ACTL8: variants seen among roughly 807,000 people sequenced by gnomAD.
The protein encoded by ACTL8 is actin-like protein 8.
In ACTL8, 3 loss-of-function variants were observed where a neutral mutation model predicts 9.3. That is an observed-to-expected ratio of 0.32 (90% confidence interval 0.15 to 0.83). The LOEUF is 0.83. Among genes scored for constraint, ACTL8 ranks in the 40% least tolerant of loss-of-function variants. ACTL8 has a pLI of 0.57. For missense variants in ACTL8, 381 were observed against 492.2 expected (o/e 0.77, Z 2.14); for synonymous variants, 224 against 205.9 (o/e 1.09, Z -0.75).
chr1:17,787,709 C>T (rs534259552), intron 1 of ACTL8, among the ~76,000 whole-genome samples: 6 of 151,358 alleles, frequency 4.0e-5, no homozygotes, highest in Non-Finnish European at 8.8e-5. Flanking sequence ...CCAAGATAAA[C>T]CTCCTTGCAC....
chr1:17,773,567 A>T (rs975826701), intron 1 of ACTL8, among the ~76,000 whole-genome samples: 5 of 152,286 alleles, frequency 3.3e-5, no homozygotes, highest in Admixed American at 3.3e-4. Context: ...ATCAGGATTG[A>T]GCATTTCCAG....
intron 1 of ACTL8, among the ~76,000 whole-genome samples, chr1:17,779,766 A>G (rs1184256938): frequency 6.6e-6 from 1 of 152,206 alleles, no homozygotes; most frequent in African/African-American, 2.4e-5. Context: ...CAGTCTTAGC[A>G]TGGAGGTGAT....
intron 1 of ACTL8, among the ~76,000 whole-genome samples, chr1:17,794,031 G>T (rs1032925657): frequency 6.6e-6 from 1 of 152,108 alleles, no homozygotes; most frequent in Non-Finnish European, 1.5e-5. Context: ...TCATTCCAGG[G>T]CACCATGAAA....
chr1:17,759,442 C>A (rs1362361108), intron 1 of ACTL8, among the ~76,000 whole-genome samples: 2 of 152,274 alleles, frequency 1.3e-5, no homozygotes, highest in Non-Finnish European at 2.9e-5. Flanking sequence ...TGGTGAGACA[C>A]CTCCTGTGAG....
intron 1 of ACTL8, among the ~76,000 whole-genome samples, chr1:17,761,930 C>T (rs780791106): frequency 3.3e-5 from 5 of 151,772 alleles, no homozygotes; most frequent in East Asian, 2.0e-4. Context: ...GAGATCACAT[C>T]GTGGGTTTCT....
intron 1 of ACTL8, among the ~76,000 whole-genome samples, chr1:17,770,239 C>T (rs1291221590): frequency 2.0e-5 from 3 of 152,216 alleles, no homozygotes; most frequent in Non-Finnish European, 4.4e-5. Flanking sequence ...TTAGCCTAGC[C>T]TAGTTTCTGT....
intron 1 of ACTL8, among the ~76,000 whole-genome samples, chr1:17,814,334 A>C (rs2066410942): frequency 6.6e-6 from 1 of 152,242 alleles, no homozygotes; most frequent in Admixed American, 6.5e-5. Flanking sequence ...CATATCTACC[A>C]ACAAAACAAA....
At chr1:17,769,995 C>A (rs896945402) in intron 1 of ACTL8, among the ~76,000 whole-genome samples, 13 of 152,094 alleles carry the variant, frequency 8.5e-5, no homozygotes, top group Non-Finnish European at 8.8e-5. Context: ...TGAGCTATGG[C>A]TACATTTAAT....
chr1:17,768,160 G>A (rs1305801630), intron 1 of ACTL8, among the ~76,000 whole-genome samples: 2 of 104,862 alleles, frequency 1.9e-5, no homozygotes, highest in Non-Finnish European at 3.6e-5. Flanking sequence ...CTCTGGTTGG[G>A]AATAGGGTGG....
intron 1 of ACTL8, among the ~76,000 whole-genome samples, chr1:17,770,474 G>C (rs1030061222): frequency 6.6e-6 from 1 of 152,206 alleles, no homozygotes; most frequent in Non-Finnish European, 1.5e-5. Flanking sequence ...AAGAGCTACC[G>C]ACTTTATCAC....
intron 1 of ACTL8, among the ~76,000 whole-genome samples, chr1:17,820,950 C>T (rs1179679165): frequency 4.6e-5 from 7 of 152,178 alleles, no homozygotes; most frequent in Admixed American, 4.6e-4. Context: ...TCCTTGTCAG[C>T]ACTTGGTAAG....
intron 1 of ACTL8, among the ~76,000 whole-genome samples, chr1:17,780,095 C>T (rs2066144707): frequency 6.6e-6 from 1 of 151,856 alleles, no homozygotes; most frequent in African/African-American, 2.4e-5. Flanking sequence ...CAGTCCCAGC[C>T]TCTTGGGAGG....
intron 1 of ACTL8, among the ~76,000 whole-genome samples, chr1:17,819,983 T>G (rs948917775): frequency 6.6e-6 from 1 of 151,946 alleles, no homozygotes; most frequent in African/African-American, 2.4e-5. Flanking sequence ...CCCTCCAGCC[T>G]GCGCAAGAGC....
intron 1 of ACTL8, among the ~76,000 whole-genome samples, chr1:17,757,695 G>A (rs1423176636): frequency 6.6e-6 from 1 of 152,160 alleles, no homozygotes; most frequent in African/African-American, 2.4e-5. Flanking sequence ...AGACCTAGGA[G>A]GAAACAGAAA....
intron 1 of ACTL8, among the ~76,000 whole-genome samples, chr1:17,763,836 G>C (rs187816896): frequency 6.6e-6 from 1 of 152,174 alleles, no homozygotes; most frequent in Admixed American, 6.5e-5. Context: ...GGGGGCTTCC[G>C]CCCTCGGGAA....
chr1:17,798,556 TTC>T (rs2066295290), intron 1 of ACTL8, among the ~76,000 whole-genome samples: 1 of 152,076 alleles, frequency 6.6e-6, no homozygotes, highest in African/African-American at 2.4e-5. Flanking sequence ...TTCTTGGGAG[TTC>T]TGTTTTAAGA....
At chr1:17,794,610 G>A (rs548859241) in intron 1 of ACTL8, among the ~76,000 whole-genome samples, 1 of 151,438 alleles carries the variant, frequency 6.6e-6, no homozygotes, top group Non-Finnish European at 1.5e-5. Flanking sequence ...GGCCTCCCTG[G>A]TCTCATCTTA....
rs1321052743 is a variant in ACTL8 at position 17,755,400 on chromosome 1, G to T, written c.-129G>T. On this transcript the variant is annotated 5_prime_UTR_variant, in exon 1 of 3. Transcript: ENST00000375406. ...GCGTTTGCAGTGTGCAGCTGAGTTCGGCAGCTCACACAGCACCCCTTTCAA... is the reference window on the plus strand; with the variant it reads ...GCGTTTGCAGTGTGCAGCTGAGTTCTGCAGCTCACACAGCACCCCTTTCAA... 6.6e-6 allele frequency: 1 copy of T among 152,198 alleles called. No individual in the cohort carries two copies. Among genetic ancestry groups the T allele is most frequent in the Admixed American group, 6.5e-5 (1 of 15,286 alleles). The allele number at this position is 152,198 out of a possible 1,614,324, so 9.4% of individuals were successfully genotyped here. A position where few individuals can be genotyped will look rare whatever the true frequency, so the allele number is the denominator to read the frequency against.
chr1:17,780,891 T>A (rs2066150459), intron 1 of ACTL8, among the ~76,000 whole-genome samples: 1 of 152,172 alleles, frequency 6.6e-6, no homozygotes, highest in East Asian at 1.9e-4. Flanking sequence ...GGTTCTAAAC[T>A]GGAGTCTGTG....
Sources: allele counts gnomAD v4.1 joint callset (sites outside exome capture counted in the v4.1 genomes callset), GRCh38; gene constraint gnomAD v4.1.1; transcripts MANE v1.5; gene names NCBI Gene and HGNC (gene_info 2026-07-23, HGNC 2026-07-21).